The following MARCHF7 variants were observed in gnomAD, a reference collection of about 807,000 sequenced individuals.
MARCHF7 encodes the protein membrane associated ring-CH-type finger 7, also known as E3 ubiquitin-protein ligase MARCHF7.
MARCHF7 carries 20 observed loss-of-function variants against 76.5 expected under a neutral mutation model. The ratio of observed to expected loss-of-function variants is 0.26; its 90% CI spans 0.18 to 0.38. The LOEUF (loss-of-function observed/expected upper bound fraction) is 0.38, where lower values mean the gene tolerates loss of function less well. Ranked by LOEUF, MARCHF7 falls within the 10% of genes least tolerant of loss-of-function variation. The pLI, the probability that MARCHF7 is intolerant of heterozygous loss-of-function variation, is 1.00. For missense variants in MARCHF7, 797 were observed against 812.9 expected, an observed-to-expected ratio of 0.98 and a Z score of 0.24; for synonymous variants, 295 against 293.0, an observed-to-expected ratio of 1.01 and a Z score of -0.07.
At chr2:159,719,749 AT>A (rs925923559) in intron 3 of MARCHF7, among the ~76,000 whole-genome samples, 1 of 151,736 alleles carries the variant, frequency 6.6e-6, no homozygotes, top group Non-Finnish European at 1.5e-5. Flanking sequence ...TAATGGGGTG[AT>A]TTTTTTTCCT....
chr2:159,717,341 C>A (rs1701152690), intron 3 of MARCHF7, among the ~76,000 whole-genome samples: 1 of 152,064 alleles, frequency 6.6e-6, no homozygotes, highest in Non-Finnish European at 1.5e-5. Flanking sequence ...TTCTTTAGAC[C>A]ACTATAAGAA....
intron 3 of MARCHF7, among the ~76,000 whole-genome samples, chr2:159,725,734 C>T (rs1054304158): frequency 3.4e-4 from 52 of 152,238 alleles, no homozygotes; most frequent in African/African-American, 1.2e-3. Flanking sequence ...TTTGGTCCTT[C>T]TTTCATATTG....
chr2:159,715,901 T>G (rs1006375339), intron 3 of MARCHF7, 135 bp downstream of exon 3: 2 of 152,224 alleles, frequency 1.3e-5, no homozygotes, highest in Non-Finnish European at 2.9e-5. Flanking sequence ...AGTGTGATGT[T>G]TCATACTTTG....
rs748676083 is a variant in MARCHF7, at chr2:159,729,111, G to A, written c.89G>A (p.Gly30Glu). 4 of 1,611,098 alleles carry A rather than the reference G, an allele frequency of 2.5e-6. No homozygotes were observed. The South Asian group carries it at 4.4e-5, about 18-fold the overall frequency. ...GCTAGGATGATGTCTGGAAGCAGAG[G>A]AAGTAGTTTAAATGATACCTATCAC... ...LSARMMSGSR[G>E]SSLNDTYHSR... Residue 30 changes from glycine (G) to glutamate (E), a missense_variant, in exon 4 of 12, where the codon GGA becomes GAA. Around this residue, in one of 3 missense-constraint regions of MARCHF7, gnomAD observed 643 missense variants for 631.5 expected, o/e 1.02. Coordinates refer to ENST00000409175, the MANE Select transcript of MARCHF7 (RefSeq NM_001282805.2).
chr2:159,752,732 T>A (rs1705803864), intron 8 of MARCHF7, among the ~76,000 whole-genome samples, 161 bp downstream of exon 8: 1 of 152,250 alleles, frequency 6.6e-6, no homozygotes, highest in South Asian at 2.1e-4. Context: ...AGTGTTTCTT[T>A]GTAAATTTTT....
In MARCHF7 at chr2:159,747,410, T is replaced by TTTTAATCA. The variant is rs563384531; in HGVS notation, c.515-391_515-384dup. ...AACAGTCTCCCTAGGATGGATTTGC[T>TTTTAATCA]TTTAATCATTTTAAGAGTCATTTAC... On this transcript the variant is annotated intron_variant, in intron 6 of 11. Coordinates refer to ENST00000409175, the MANE Select transcript of MARCHF7 (RefSeq NM_001282805.2). Among the ~76,000 whole-genome samples, 673 of 152,320 alleles carry TTTTAATCA rather than the reference T, an allele frequency of 4.4e-3. 2 individuals carry two copies. Among genetic ancestry groups the TTTTAATCA allele is most frequent in the Middle Eastern group, 6.8e-3 (2 of 294 alleles).
In MARCHF7 at chr2:159,768,083, A is replaced by G. The variant is rs1416023769; in HGVS notation, c.*741A>G. 1 of 152,594 alleles carries G rather than the reference A, an allele frequency of 6.6e-6. No individual in the cohort carries two copies. Among genetic ancestry groups the G allele is most frequent in the Non-Finnish European group, 1.5e-5 (1 of 67,988 alleles). The allele number at this position is 152,594 out of a possible 1,614,324, so 9.5% of individuals were successfully genotyped here. A position where few individuals can be genotyped will look rare whatever the true frequency, so the allele number is the denominator to read the frequency against. ...TAAATTATATGAGACTTGCCAGTCAAATGCTATTTGGTTTAAAAAAATTAT... is the reference window on the plus strand; with the variant it reads ...TAAATTATATGAGACTTGCCAGTCAGATGCTATTTGGTTTAAAAAAATTAT... On this transcript the variant is annotated 3_prime_UTR_variant, in exon 12 of 12. Transcript: ENST00000409175.
Position 159,748,033 on chromosome 2 carries a change from G to A in MARCHF7, c.743G>A (p.Arg248Lys). Residue 248 changes from arginine (R) to lysine (K), a missense_variant, in exon 7 of 12, where the codon AGA becomes AAA. Physicochemically the swap from Arg to Lys is conservative, Grantham distance 26. This residue lies in a region of MARCHF7 where 643 missense variants were observed against 631.5 expected (regional missense o/e 1.02). Transcript: ENST00000409175. ...TQPGFSYSSSRDEAPIISNSE... is the reference protein window; with the variant it reads ...TQPGFSYSSSKDEAPIISNSE... ...CCTGGATTTTCTTACAGTTCAAGTA[G>A]AGATGAAGCCCCAATCATAAGCAAT... is the stretch of plus-strand genomic sequence containing the variant. 1 of 1,614,140 alleles carries A rather than the reference G, an allele frequency of 6.2e-7. No individual in the cohort carries two copies. Among genetic ancestry groups the A allele is most frequent in the South Asian group, 1.1e-5 (1 of 91,068 alleles).
intron 8 of MARCHF7, among the ~76,000 whole-genome samples, chr2:159,757,533 TCCAA>T (rs1248505539): frequency 4.6e-5 from 7 of 152,164 alleles, no homozygotes; most frequent in Non-Finnish European, 7.4e-5. Flanking sequence ...ACGCCTGTAA[TCCAA>T]CAGGACAAGG....
intron 7 of MARCHF7, 114 bp downstream of exon 7, chr2:159,749,017 C>T: frequency 8.5e-7 from 1 of 1,175,460 alleles, no homozygotes; most frequent in Non-Finnish European, 1.1e-6. Context: ...CTCAGTCTGT[C>T]ACCCAGGCTG....
intron 4 of MARCHF7, chr2:159,733,152 TATA>T (rs1703024364): frequency 1.4e-6 from 1 of 731,244 alleles, no homozygotes. Context: ...TAGGGTATAG[TATA>T]ATGTTATCCA....
intron 7 of MARCHF7, 105 bp from the exon 8 acceptor site, chr2:159,752,297 A>G: frequency 1.9e-6 from 2 of 1,030,674 alleles, no homozygotes; most frequent in East Asian, 3.0e-5. Context: ...ACCCAGAGAC[A>G]GTGTGAGTAG....
rs1407919586 is a variant in MARCHF7 at position 159,715,699 on chromosome 2, A to G, written c.-82A>G. 3 of 152,088 alleles carry G rather than the reference A, an allele frequency of 2.0e-5. No homozygotes were observed. 9.4% of individuals were successfully genotyped at this position (152,088 alleles called of 1,614,324 possible). ...TTTTCAGCTTTCTGCCCTGGCATGA[A>G]CTTACATGGTCAGAGCTGGTTTTTC... On this transcript the variant is annotated 5_prime_UTR_variant, in exon 3 of 12. Transcript: ENST00000409175.
intron 5 of MARCHF7, among the ~76,000 whole-genome samples, chr2:159,744,136 C>T (rs1056670582): frequency 6.0e-5 from 9 of 150,776 alleles, no homozygotes; most frequent in African/African-American, 1.5e-4. Flanking sequence ...TACAGGCGCC[C>T]GCCACTACGC....
chr2:159,764,494 A>AG (rs1475847477), intron 10 of MARCHF7, 132 bp from the exon 11 acceptor site: 94 of 485,006 alleles, frequency 1.9e-4, no homozygotes, highest in Admixed American at 7.3e-4. Context: ...TGTTAGGGGG[A>AG]GAAAAACCCC....
At position 159,768,558 on chromosome 2, in the gene MARCHF7, A is replaced by G. The variant is rs983772552; in HGVS notation, c.*1216A>G. ...TATGTAAAACATTGGCTCAAAATAA[A>G]GTACACACTGATTTATTTTACTGTT... On this transcript the variant is annotated 3_prime_UTR_variant, in exon 12 of 12. Coordinates refer to ENST00000409175, the MANE Select transcript of MARCHF7 (RefSeq NM_001282805.2). 2 of 152,656 alleles carry G rather than the reference A, an allele frequency of 1.3e-5. No homozygotes were observed. Among genetic ancestry groups the G allele is most frequent in the Non-Finnish European group, 2.9e-5 (2 of 68,022 alleles). 9.5% of individuals were successfully genotyped at this position (152,656 alleles called of 1,614,324 possible). A position where few individuals can be genotyped will look rare whatever the true frequency, so the allele number is the denominator to read the frequency against.
chr2:159,723,326 C>A (rs1457081424), intron 3 of MARCHF7, among the ~76,000 whole-genome samples: 1 of 152,166 alleles, frequency 6.6e-6, no homozygotes, highest in Admixed American at 6.5e-5. Flanking sequence ...TATGCTTTAT[C>A]ATCCAAATGA....
intron 9 of MARCHF7, among the ~76,000 whole-genome samples, chr2:159,761,406 C>CTTATTTT (rs1707064140): frequency 1.4e-5 from 1 of 73,778 alleles, no homozygotes; most frequent in Non-Finnish European, 2.4e-5. Flanking sequence ...TGAATCATTT[C>CTTATTTT]TTTTTTTTTT....
rs1369693430 is a variant in MARCHF7, at chr2:159,769,057, T to C, written c.*1715T>C. Reference sequence around the variant, plus strand: ...TATTAGCTTCAGATTATCATGTAAATGACGGTAGAGGAATAAGAGAAAAGG... The same window carrying C: ...TATTAGCTTCAGATTATCATGTAAACGACGGTAGAGGAATAAGAGAAAAGG... On this transcript the variant is annotated 3_prime_UTR_variant, in exon 12 of 12. Coordinates refer to ENST00000409175, the MANE Select transcript of MARCHF7 (RefSeq NM_001282805.2). 1 of 152,202 alleles carries C rather than the reference T, an allele frequency of 6.6e-6. No homozygotes were observed. The highest frequency in any genetic ancestry group is 1.9e-4 in the East Asian group (1 of 5,200). 9.4% of individuals were successfully genotyped at this position (152,202 alleles called of 1,614,324 possible).
Sources: gnomAD v4.1 joint callset for allele counts (sites outside exome capture counted in the v4.1 genomes callset) on GRCh38, gnomAD v4.1.1 for gene constraint, gnomAD v4.1.1 regional missense constraint, MANE v1.5 for transcripts, NCBI Gene and HGNC (gene_info 2026-07-23, HGNC 2026-07-21) for gene names.